CSMD1: variants seen among roughly 807,000 people sequenced by gnomAD.
The protein encoded by CSMD1 is CUB and sushi domain-containing protein 1.
In CSMD1, 213 loss-of-function variants were observed where a neutral mutation model predicts 417.5. That is an observed-to-expected ratio of 0.51 (90% CI 0.46 to 0.57). CSMD1 has a LOEUF of 0.57. Among genes scored for constraint, CSMD1 ranks in the 20% least tolerant of loss-of-function variants. The pLI is 0.00. For missense variants in CSMD1, 6,923 were observed against 4,529.7 expected (o/e 1.53, Z -15.17); for synonymous variants, 2,862 against 1,736.8 (o/e 1.65, Z -16.11).
chr8:4,706,339 A>G (rs926027157), intron 1 of CSMD1, among the ~76,000 whole-genome samples: 11 of 152,128 alleles, frequency 7.2e-5, no homozygotes, highest in South Asian at 2.1e-4. Context: ...TTTTCCACAT[A>G]ACCCTTCAAA....
chr8:3,042,922 G>GAT (rs140142266), intron 50 of CSMD1, among the ~76,000 whole-genome samples: 3,506 of 150,464 alleles, frequency 0.023, 159 homozygotes, highest in African/African-American at 0.082. Flanking sequence ...TCACTATGGT[G>GAT]ATATATATAT....
chr8:3,808,112 C>T (rs75727639), intron 5 of CSMD1, among the ~76,000 whole-genome samples: 2,249 of 152,156 alleles, frequency 0.015, 47 homozygotes, highest in East Asian at 0.038. Flanking sequence ...CCCTCAGCCA[C>T]GTCACTCAGG....
intron 3 of CSMD1, among the ~76,000 whole-genome samples, chr8:4,229,234 T>C (rs1801558339): frequency 6.6e-6 from 1 of 152,196 alleles, no homozygotes; most frequent in Non-Finnish European, 1.5e-5. Context: ...CCAATTTGGC[T>C]AGTCCTACTC....
intron 54 of CSMD1, among the ~76,000 whole-genome samples, chr8:2,980,277 C>T (rs947410528): frequency 6.6e-6 from 1 of 152,144 alleles, no homozygotes; most frequent in African/African-American, 2.4e-5. Context: ...CAAATGGCCC[C>T]GGGATGCCAA....
At chr8:4,123,905 C>T (rs1802620732) in intron 3 of CSMD1, among the ~76,000 whole-genome samples, 1 of 152,120 alleles carries the variant, frequency 6.6e-6, no homozygotes, top group South Asian at 2.1e-4. Context: ...AATCAGATTT[C>T]ACAATCTCTT....
At chr8:4,174,382 G>A (rs899412643) in intron 3 of CSMD1, among the ~76,000 whole-genome samples, 1 of 151,958 alleles carries the variant, frequency 6.6e-6, no homozygotes, top group East Asian at 1.9e-4. Flanking sequence ...ATTTGCGCAA[G>A]GCCTAATTCC....
intron 2 of CSMD1, among the ~76,000 whole-genome samples, chr8:4,603,617 TA>T (rs988497911): frequency 4.6e-5 from 7 of 152,080 alleles, no homozygotes; most frequent in African/African-American, 1.7e-4. Flanking sequence ...AACATGAAAA[TA>T]AAATGAATAT....
At chr8:4,224,490 T>G (rs79541787) in intron 3 of CSMD1, among the ~76,000 whole-genome samples, 4,674 of 152,212 alleles carry the variant, frequency 0.031, 240 homozygotes, top group African/African-American at 0.11. Flanking sequence ...ATCTACACTC[T>G]CAGTTCAGTG....
intron 5 of CSMD1, among the ~76,000 whole-genome samples, chr8:3,827,033 T>C (rs1585053798): frequency 2.0e-5 from 3 of 152,178 alleles, no homozygotes; most frequent in South Asian, 2.1e-4. Flanking sequence ...CCTCCCATCT[T>C]GGCCTTTTGA....
At chr8:3,974,028 G>A (rs1352874802) in intron 5 of CSMD1, among the ~76,000 whole-genome samples, 1 of 152,172 alleles carries the variant, frequency 6.6e-6, no homozygotes, top group Non-Finnish European at 1.5e-5. Context: ...ACTTTAAAAT[G>A]TAGAGTGAAG....
Position 4,197,074 on chromosome 8 carries a change from T to C in CSMD1, c.416-164975A>G, listed in dbSNP as rs562033168. On this transcript the variant is annotated intron_variant, in intron 3 of 69. Transcript: ENST00000635120. ...TTATTCACTGAGAGCTTGTGTTCTA[T>C]GGGAAATGAAACATCAAGATGAAGA... Among the ~76,000 whole-genome samples, 10 of 152,320 alleles carry C rather than the reference T, an allele frequency of 6.6e-5. No individual in the cohort carries two copies. The East Asian group carries it at 9.6e-4, about 15-fold the overall frequency.
At chr8:4,127,082 ATTT>A (rs112362858) in intron 3 of CSMD1, among the ~76,000 whole-genome samples, 1 of 151,676 alleles carries the variant, frequency 6.6e-6, no homozygotes, top group East Asian at 1.9e-4. Flanking sequence ...ATCTCCTGTG[ATTT>A]TTTTTAACAA....
At chr8:3,499,902 A>G (rs1796524836) in intron 10 of CSMD1, among the ~76,000 whole-genome samples, 1 of 152,068 alleles carries the variant, frequency 6.6e-6, no homozygotes, top group African/African-American at 2.4e-5. Context: ...GGCCCAGAGA[A>G]CAAGAGAGGA....
intron 3 of CSMD1, among the ~76,000 whole-genome samples, chr8:4,164,188 G>C (rs1371510209): frequency 9.1e-6 from 1 of 109,558 alleles, no homozygotes; most frequent in Admixed American, 9.7e-5. Context: ...AATTAATACA[G>C]GATTTTTGGA....
chr8:4,233,529 G>A (rs1585068051), intron 3 of CSMD1, among the ~76,000 whole-genome samples: 1 of 152,156 alleles, frequency 6.6e-6, no homozygotes, highest in Non-Finnish European at 1.5e-5. Flanking sequence ...AGAGGACGCA[G>A]AGAGCTCTCT....
intron 5 of CSMD1, among the ~76,000 whole-genome samples, chr8:3,965,212 G>A (rs557578612): frequency 2.0e-5 from 3 of 152,196 alleles, no homozygotes; most frequent in African/African-American, 7.2e-5. Flanking sequence ...CGGAAGGAGG[G>A]GCTGAACTTG....
At chr8:4,867,065 A>G (rs1350301) in intron 1 of CSMD1, among the ~76,000 whole-genome samples, 137,678 of 152,010 alleles carry the variant, frequency 0.91, 63,493 homozygotes, top group Non-Finnish European at 0.98. Context: ...CCATACAGAA[A>G]GTAATATTTT....
chr8:3,804,513 T>C (rs887978963), intron 5 of CSMD1, among the ~76,000 whole-genome samples: 4 of 152,204 alleles, frequency 2.6e-5, no homozygotes, highest in Admixed American at 6.5e-5. Flanking sequence ...TTAATAGCTA[T>C]AAAACATTTA....
intron 50 of CSMD1, among the ~76,000 whole-genome samples, chr8:3,050,782 T>C (rs146413454): frequency 0.016 from 2,447 of 152,326 alleles, 23 homozygotes; most frequent in East Asian, 0.031. Context: ...TGTTTGTCTA[T>C]TTATATCTAA....
Sources: gnomAD v4.1 joint callset for allele counts (sites outside exome capture counted in the v4.1 genomes callset) on GRCh38, gnomAD v4.1.1 for gene constraint, MANE v1.5 for transcripts, NCBI Gene and HGNC (gene_info 2026-07-23, HGNC 2026-07-21) for gene names.